The following CCDC171 variants were observed in gnomAD, a reference collection of about 807,000 sequenced individuals.
CCDC171 encodes the protein coiled-coil domain containing 171, also known as coiled-coil domain-containing protein 171.
In CCDC171, 177 loss-of-function variants were observed where a neutral mutation model predicts 168.2. The observed-to-expected ratio is 1.05, with a 90% CI of 0.93 to 1.19. The LOEUF (loss-of-function observed/expected upper bound fraction) is 1.19. CCDC171 is among the 50% of genes most tolerant of loss of function. The pLI, the probability that CCDC171 is intolerant of heterozygous loss-of-function variation, is 0.00. For synonymous variants in CCDC171, 687 were observed against 540.8 expected (o/e 1.27, Z -3.75); for missense variants, 1,991 against 1,539.0 (o/e 1.29, Z -4.91).
the CCDC171 span, among the ~76,000 whole-genome samples, chr9:16,081,257 C>T: frequency 6.6e-6 from 1 of 152,164 alleles, no homozygotes; most frequent in Non-Finnish European, 1.5e-5. Flanking sequence ...AACCCTTATA[C>T]CCAATGCAGC....
At chr9:15,560,752 AG>A (rs1209558737) in intron 1 of CCDC171, among the ~76,000 whole-genome samples, 4 of 152,156 alleles carry the variant, frequency 2.6e-5, no homozygotes, top group African/African-American at 7.2e-5. Context: ...AGTCATTCCC[AG>A]TCCAGCTTTG....
At position 15,677,910 on chromosome 9, in the gene CCDC171, A is replaced by G. The variant is rs1352024166; in HGVS notation, c.1077-848A>G. Among the ~76,000 whole-genome samples the G allele has an allele frequency of 1.9e-4, 5 of 26,484 alleles. 1 individual carries two copies. Among genetic ancestry groups the G allele is most frequent in the Admixed American group, 1.1e-3 (2 of 1,834 alleles). 17.4% of individuals were successfully genotyped at this position (26,484 alleles called of 152,430 possible). On this transcript the variant is annotated intron_variant, in intron 9 of 25. Coordinates refer to ENST00000380701, the MANE Select transcript of CCDC171 (RefSeq NM_173550.4). ...TATATATATATATATATATATATAT[A>G]TATATATATATATATAAGAGATGTG...
At chr9:15,703,410 A>C (rs557725470) in intron 11 of CCDC171, among the ~76,000 whole-genome samples, 2 of 152,008 alleles carry the variant, frequency 1.3e-5, no homozygotes, top group Non-Finnish European at 2.9e-5. Flanking sequence ...ATCTCTCTTC[A>C]TTACCACCCC....
At chr9:15,955,875 TATAAC>T (rs1394359411) in intron 25 of CCDC171, among the ~76,000 whole-genome samples, 2 of 152,164 alleles carry the variant, frequency 1.3e-5, no homozygotes, top group Non-Finnish European at 2.9e-5. Context: ...TGTGTATACT[TATAAC>T]AAATTATAAT....
chr9:16,019,983 AGTT>A (rs1833118832), intron 3 of CCDC171, among the ~76,000 whole-genome samples: 1 of 152,230 alleles, frequency 6.6e-6, no homozygotes, highest in African/African-American at 2.4e-5. Flanking sequence ...AAAATATAAT[AGTT>A]CCCCTTTATC....
chr9:15,971,745 T>C lies in CCDC171; in HGVS notation c.3890T>C (p.Ile1297Thr). Residue 1297 changes from isoleucine to threonine, a missense_variant, in exon 26 of 26, where the codon ATA becomes ACA. By Grantham distance (89) the Ile-to-Thr change is moderately conservative (BLOSUM62 -1). Transcript: ENST00000380701. ...TTYTFLKETFINTVPHALTSS... is the reference protein window; with the variant it reads ...TTYTFLKETFTNTVPHALTSS... Reference sequence around the variant, plus strand: ...TACACTTTCTTAAAGGAGACATTTATAAATACTGTGCCCCATGCTCTGACA... The same window carrying C: ...TACACTTTCTTAAAGGAGACATTTACAAATACTGTGCCCCATGCTCTGACA... 6.2e-7 allele frequency: 1 copy of C among 1,613,988 alleles called. No homozygotes were observed. Among genetic ancestry groups the C allele is most frequent in the Non-Finnish European group, 8.5e-7 (1 of 1,179,898 alleles).
rs1252269588 is a variant in CCDC171, at chr9:15,594,167, G to A, written c.670G>A (p.Val224Ile). The A allele has an allele frequency of 2.2e-6, 3 of 1,380,030 alleles. No homozygotes were observed. Among genetic ancestry groups the A allele is most frequent in the Non-Finnish European group, 3.0e-6 (3 of 993,028 alleles). The allele number at this position is 1,380,030 out of a possible 1,614,324, so 85.5% of individuals were successfully genotyped here. A position where few individuals can be genotyped will look rare whatever the true frequency, so the allele number is the denominator to read the frequency against. ...AGAAAGAAGAGAATTACAATTTATA[G>A]TACAGGTATTTTAAAAATAATCAGT... ...EAERRELQFI[V>I]QEQDTAVQNM... Residue 224 changes from valine (V) to isoleucine (I), a missense_variant, in exon 6 of 26, where the codon GTA (valine) becomes ATA (isoleucine). Physicochemically the swap from Val to Ile is conservative, Grantham distance 29 (BLOSUM62 3). Coordinates refer to ENST00000380701, the MANE Select transcript of CCDC171 (RefSeq NM_173550.4).
chr9:15,655,052 G>C (rs1435598846), intron 7 of CCDC171, among the ~76,000 whole-genome samples: 1 of 152,052 alleles, frequency 6.6e-6, no homozygotes. Context: ...GGAGCAGGGA[G>C]GGATAGCATT....
intron 10 of CCDC171, among the ~76,000 whole-genome samples, chr9:15,681,389 C>G (rs2050030510): frequency 6.6e-6 from 1 of 152,008 alleles, no homozygotes; most frequent in Non-Finnish European, 1.5e-5. Context: ...ATTTTTTCAT[C>G]TCTCTTAAAC....
At chr9:15,648,349 G>A (rs1196156530) in intron 7 of CCDC171, among the ~76,000 whole-genome samples, 1 of 152,170 alleles carries the variant, frequency 6.6e-6, no homozygotes, top group African/African-American at 2.4e-5. Flanking sequence ...ATCCAGGGAT[G>A]CCCTCTCTCA....
intron 1 of CCDC171, among the ~76,000 whole-genome samples, chr9:15,554,164 C>T (rs1292013124): frequency 6.6e-6 from 1 of 152,094 alleles, no homozygotes; most frequent in African/African-American, 2.4e-5. Flanking sequence ...GGACAACCGG[C>T]GCACGCCGCC....
At chr9:16,034,183 C>T (rs1040074782) in intron 6 of CCDC171, among the ~76,000 whole-genome samples, 2 of 152,214 alleles carry the variant, frequency 1.3e-5, no homozygotes, top group African/African-American at 2.4e-5. Flanking sequence ...GGTTCAGTCA[C>T]TGGCTTTGGG....
At chr9:16,002,522 TGAAA>T (rs1382466123) in intron 3 of CCDC171, among the ~76,000 whole-genome samples, 6 of 152,228 alleles carry the variant, frequency 3.9e-5, no homozygotes, top group Admixed American at 3.3e-4. Flanking sequence ...GCTGTTATTA[TGAAA>T]GAGTCAAAAT....
At chr9:15,703,297 A>G (rs746822396) in intron 11 of CCDC171, among the ~76,000 whole-genome samples, 45 of 152,164 alleles carry the variant, frequency 3.0e-4, no homozygotes, top group Non-Finnish European at 5.1e-4. Flanking sequence ...TATAGGTAAT[A>G]AGGCTGGTTG....
intron 18 of CCDC171, among the ~76,000 whole-genome samples, chr9:15,774,151 T>G (rs1202165031): frequency 7.0e-6 from 1 of 143,880 alleles, no homozygotes; most frequent in Non-Finnish European, 1.5e-5. Flanking sequence ...GAGGCTGAAG[T>G]GAGAGAATCA....
intron 6 of CCDC171, among the ~76,000 whole-genome samples, chr9:15,620,460 A>G (rs1425313418): frequency 1.3e-5 from 2 of 152,212 alleles, no homozygotes; most frequent in Non-Finnish European, 2.9e-5. Flanking sequence ...AAATAGCAAG[A>G]TAATTAGAAT....
chr9:16,035,327 T>G (rs918086064), intron 6 of CCDC171: 1 of 152,222 alleles, frequency 6.6e-6, no homozygotes, highest in Non-Finnish European at 1.5e-5. Context: ...GTGGATCCCT[T>G]TAAAAAAATT....
chr9:15,954,260 A>C (rs1053162977), intron 25 of CCDC171, among the ~76,000 whole-genome samples: 4 of 151,514 alleles, frequency 2.6e-5, no homozygotes, highest in African/African-American at 4.8e-5. Flanking sequence ...CTTAAGTAGT[A>C]AAGTTAGGTT....
At chr9:15,807,531 A>G (rs2059135429) in intron 21 of CCDC171, among the ~76,000 whole-genome samples, 1 of 152,120 alleles carries the variant, frequency 6.6e-6, no homozygotes, top group South Asian at 2.1e-4. Context: ...CTAGCGAATG[A>G]CACATATAAT....
Sources: allele counts gnomAD v4.1 joint callset (sites outside exome capture counted in the v4.1 genomes callset), GRCh38; gene constraint gnomAD v4.1.1; transcripts MANE v1.5; gene names NCBI Gene and HGNC (gene_info 2026-07-23, HGNC 2026-07-21).